Variants in BTBD8 observed in about 807,000 individuals in gnomAD.
The protein encoded by BTBD8 is BTB/POZ domain-containing protein 8.
Under a neutral mutation model 162.9 loss-of-function variants are expected in BTBD8, and 110 were observed. The ratio of observed to expected loss-of-function variants is 0.68; its 90% CI spans 0.58 to 0.79. The LOEUF is 0.79. BTBD8 is among the 30% of genes least tolerant of loss of function. The probability of loss-of-function intolerance (pLI) is 0.00; values close to 1 mark genes in which losing one functional copy is unlikely to be tolerated. For missense variants in BTBD8, 1,905 were observed against 2,085.4 expected, an observed-to-expected ratio of 0.91 and a Z score of 1.68; for synonymous variants, 667 against 716.1, an observed-to-expected ratio of 0.93 and a Z score of 1.10.
chr1:92,119,719 C>A (rs1232667428), intron 4 of BTBD8, among the ~76,000 whole-genome samples: 1 of 149,180 alleles, frequency 6.7e-6, no homozygotes, highest in Non-Finnish European at 1.5e-5. Flanking sequence ...CTCCGCCTTC[C>A]GGGTTCACGC....
At chr1:92,097,862 C>CG (rs1217925124) in intron 2 of BTBD8, among the ~76,000 whole-genome samples, 1 of 152,068 alleles carries the variant, frequency 6.6e-6, no homozygotes, top group Non-Finnish European at 1.5e-5. Context: ...AGAAAGGAAA[C>CG]GGAAAAGCTG....
rs1650402470 is a variant in BTBD8 at position 92,167,043 on chromosome 1, T to G, written c.1208T>G (p.Leu403Arg). ...AGAGTGAAGTGGACGGAAGCAGCACTGACCATGGCGTCTCAGCTTCAAGAA... is the reference window on the plus strand; with the variant it reads ...AGAGTGAAGTGGACGGAAGCAGCACGGACCATGGCGTCTCAGCTTCAAGAA... Reference protein sequence around the residue: ...LPRVKWTEAALTMASQLQEKC... With the variant: ...LPRVKWTEAARTMASQLQEKC... The change falls in exon 10 of 18, where the codon CTG (leucine) becomes CGG (arginine). Residue 403 changes from leucine to arginine, a missense_variant. Leu to Arg is a moderately radical substitution (Grantham distance 102, BLOSUM62 -2). Around this residue, in one of 3 missense-constraint regions of BTBD8, gnomAD observed 1,374 missense variants for 1,442.7 expected, o/e 0.95. Transcript: ENST00000636805. The G allele has an allele frequency of 6.4e-7, 1 of 1,550,728 alleles. No homozygotes were observed. The highest frequency in any genetic ancestry group is 8.7e-7 in the Non-Finnish European group (1 of 1,147,054).
chr1:92,151,111 G>T (rs1251340785), intron 9 of BTBD8, among the ~76,000 whole-genome samples: 1 of 152,152 alleles, frequency 6.6e-6, no homozygotes, highest in Non-Finnish European at 1.5e-5. Context: ...CCAGCACTTT[G>T]GGAGGACGAG....
intron 2 of BTBD8, among the ~76,000 whole-genome samples, chr1:92,096,551 C>CTT (rs1184914140): frequency 1.8e-4 from 25 of 139,162 alleles, no homozygotes; most frequent in African/African-American, 3.4e-4. Context: ...CCTATATTTC[C>CTT]TTTTTTTTTT....
At chr1:92,082,612 G>A (rs1311570176) in intron 1 of BTBD8, among the ~76,000 whole-genome samples, 1 of 152,184 alleles carries the variant, frequency 6.6e-6, no homozygotes, top group African/African-American at 2.4e-5. Flanking sequence ...AAATTTGAAA[G>A]AGCTTGATTG....
chr1:92,160,197 G>A (rs1462486183), intron 9 of BTBD8, among the ~76,000 whole-genome samples: 1 of 151,642 alleles, frequency 6.6e-6, no homozygotes, highest in African/African-American at 2.4e-5. Context: ...GTATTCTTCA[G>A]CTCCATGATT....
chr1:92,113,446 CTGAG>C (rs1648949389), intron 4 of BTBD8, among the ~76,000 whole-genome samples: 1 of 152,152 alleles, frequency 6.6e-6, no homozygotes, highest in African/African-American at 2.4e-5. Context: ...TGATTTGACT[CTGAG>C]TGAAGGAGAA....
chr1:92,161,768 A>T (rs900289085), intron 9 of BTBD8, among the ~76,000 whole-genome samples: 9 of 152,246 alleles, frequency 5.9e-5, no homozygotes, highest in African/African-American at 2.2e-4. Context: ...GTCATAAATT[A>T]GCACAACTTT....
At position 92,170,430 on chromosome 1, in the gene BTBD8, T is replaced by C. The variant is rs946095663; in HGVS notation, c.1574-969T>C. Among the ~76,000 whole-genome samples the C allele has an allele frequency of 2.0e-5, 3 of 152,094 alleles. No individual in the cohort carries two copies. In the South Asian group the frequency reaches 6.2e-4, roughly 32 times the overall value. On this transcript the variant is annotated intron_variant, in intron 12 of 17. Coordinates refer to ENST00000636805, the MANE Select transcript of BTBD8 (RefSeq NM_001376131.1). ...TATGTCATAGTTGAGTTACTGACCT[T>C]TGGGAGAAATTTTTTAGTTTAATTT...
chr1:92,121,902 C>T (rs1649222637), intron 4 of BTBD8, among the ~76,000 whole-genome samples: 1 of 151,538 alleles, frequency 6.6e-6, no homozygotes, highest in Non-Finnish European at 1.5e-5. Context: ...AGCTCCTGGG[C>T]TTAAGGGATC....
intron 4 of BTBD8, among the ~76,000 whole-genome samples, chr1:92,119,249 A>G (rs935848648): frequency 1.3e-5 from 2 of 150,604 alleles, no homozygotes; most frequent in Non-Finnish European, 3.0e-5. Flanking sequence ...TAGCTTAATC[A>G]CAAACATGTA....
Position 92,108,004 on chromosome 1 carries a change from A to T in BTBD8, c.662+3A>T. Reference sequence around the variant, plus strand: ...GGAAAACGTTTTAAAGCTCACAGGTAAATAGACACGACTGATTTGCTGTCT... The same window carrying T: ...GGAAAACGTTTTAAAGCTCACAGGTTAATAGACACGACTGATTTGCTGTCT... On this transcript the variant is annotated splice_donor_region_variant and intron_variant, in intron 4 of 17. Transcript: ENST00000636805. 6.2e-7 allele frequency: 1 copy of T among 1,605,744 alleles called. No individual in the cohort carries two copies. Among genetic ancestry groups the T allele is most frequent in the Non-Finnish European group, 8.5e-7 (1 of 1,172,550 alleles).
chr1:92,094,407 A>C (rs1648396132), intron 2 of BTBD8, among the ~76,000 whole-genome samples: 2 of 152,280 alleles, frequency 1.3e-5, no homozygotes, highest in African/African-American at 4.8e-5. Context: ...AAATGTTGAC[A>C]TGAAAATTTC....
chr1:92,130,567 CAT>C (rs71710875), intron 5 of BTBD8, among the ~76,000 whole-genome samples: 27,216 of 147,612 alleles, frequency 0.18, 3,169 homozygotes, highest in Admixed American at 0.28. Context: ...CACACACACA[CAT>C]ATACGCACAC....
At chr1:92,174,278 C>T (rs905427235) in intron 13 of BTBD8, among the ~76,000 whole-genome samples, 12 of 152,082 alleles carry the variant, frequency 7.9e-5, no homozygotes, top group African/African-American at 2.7e-4. Context: ...GCAGCCCTGA[C>T]CTTCTGGGCT....
chr1:92,099,186 T>C (rs747458120), intron 2 of BTBD8, among the ~76,000 whole-genome samples: 8 of 152,182 alleles, frequency 5.3e-5, no homozygotes, highest in Non-Finnish European at 8.8e-5. Context: ...TGGACACCCT[T>C]GTCAAAAATT....
chr1:92,161,400 A>G (rs997004002), intron 9 of BTBD8, among the ~76,000 whole-genome samples: 4 of 152,250 alleles, frequency 2.6e-5, no homozygotes, highest in African/African-American at 9.6e-5. Flanking sequence ...AACATGGAGA[A>G]TTTTTAAATA....
At chr1:92,149,688 A>G (rs932424443) in intron 9 of BTBD8, among the ~76,000 whole-genome samples, 7 of 152,192 alleles carry the variant, frequency 4.6e-5, no homozygotes, top group African/African-American at 1.7e-4. Context: ...CACTACTGCA[A>G]TGTTCATTTA....
intron 1 of BTBD8, 74 bp downstream of exon 1, chr1:92,080,794 TC>T: frequency 1.3e-6 from 2 of 1,537,870 alleles, no homozygotes; most frequent in South Asian, 2.5e-5. Context: ...GAGGCTTCTT[TC>T]GGCTCTGCCT....
Sources: gnomAD v4.1 joint callset for allele counts (sites outside exome capture counted in the v4.1 genomes callset) on GRCh38, gnomAD v4.1.1 for gene constraint, gnomAD v4.1.1 regional missense constraint, MANE v1.5 for transcripts, NCBI Gene and HGNC (gene_info 2026-07-23, HGNC 2026-07-21) for gene names.